PSD3: variants seen among roughly 807,000 people sequenced by gnomAD.
PSD3 encodes pleckstrin and Sec7 domain containing 3.
PSD3 carries 49 observed loss-of-function variants against 105.5 expected under a neutral mutation model. The ratio of observed to expected loss-of-function variants is 0.46; its 90% CI spans 0.37 to 0.59. The LOEUF (loss-of-function observed/expected upper bound fraction) is 0.59, where lower values mean the gene tolerates loss of function less well. Among genes scored for constraint, PSD3 ranks in the 20% least tolerant of loss-of-function variants. The pLI, the probability that PSD3 is intolerant of heterozygous loss-of-function variation, is 0.00. For missense variants in PSD3, 1,561 were observed against 1,263.8 expected (o/e 1.24, Z -3.57); for synonymous variants, 557 against 457.8 (o/e 1.22, Z -2.77).
At position 18,529,223 on chromosome 8, in the gene PSD3, T is replaced by C. The variant is rs1585180883; in HGVS notation, c.*6520A>G. On this transcript the variant is annotated 3_prime_UTR_variant, in exon 16 of 16. Transcript: ENST00000327040. ...GTGGTCCACAAGAAAGAATGTGATATGGATCCCCTCATTTATGTGTTAAAA... is the reference window on the plus strand; with the variant it reads ...GTGGTCCACAAGAAAGAATGTGATACGGATCCCCTCATTTATGTGTTAAAA... 6.6e-6 allele frequency: 1 copy of C among 152,220 alleles called. No individual in the cohort carries two copies. The highest frequency in any genetic ancestry group is 1.9e-4 in the East Asian group (1 of 5,192). The allele number at this position is 152,220 out of a possible 1,614,324, so 9.4% of individuals were successfully genotyped here. A position where few individuals can be genotyped will look rare whatever the true frequency, so the allele number is the denominator to read the frequency against.
At chr8:18,797,955 A>G (rs1352117000) in intron 8 of PSD3, among the ~76,000 whole-genome samples, 6 of 152,162 alleles carry the variant, frequency 3.9e-5, no homozygotes, top group Admixed American at 3.3e-4. Context: ...TCCTTTGGCC[A>G]GAAAGGCTAA....
intron 8 of PSD3, among the ~76,000 whole-genome samples, chr8:18,778,616 GTTCT>G (rs1242712384): frequency 4.0e-5 from 6 of 151,364 alleles, no homozygotes; most frequent in South Asian, 2.1e-4. Flanking sequence ...ACTATGATGT[GTTCT>G]TTCTATGTCT....
chr8:19,021,075 T>C (rs1399598807), intron 1 of PSD3, among the ~76,000 whole-genome samples: 1 of 152,132 alleles, frequency 6.6e-6, no homozygotes, highest in Non-Finnish European at 1.5e-5. Flanking sequence ...GAGTGGATGG[T>C]AAAGAGAAAA....
At chr8:18,939,778 T>C (rs1822406230) in intron 1 of PSD3, among the ~76,000 whole-genome samples, 2 of 152,364 alleles carry the variant, frequency 1.3e-5, no homozygotes, top group African/African-American at 2.4e-5. Context: ...CTCAAGACTA[T>C]TGTTTCTCAA....
At chr8:18,893,803 C>T (rs923463348) in intron 2 of PSD3, among the ~76,000 whole-genome samples, 1 of 152,202 alleles carries the variant, frequency 6.6e-6, no homozygotes, top group Non-Finnish European at 1.5e-5. Flanking sequence ...CACTGGCTCA[C>T]AGGCAACATG....
chr8:18,532,954 C>T lies in PSD3; in HGVS notation c.*2789G>A, dbSNP rs1799692777. 1 of 152,294 alleles carries T rather than the reference C, an allele frequency of 6.6e-6. No individual in the cohort carries two copies. 9.4% of individuals were successfully genotyped at this position (152,294 alleles called of 1,614,324 possible). Reference sequence around the variant, plus strand: ...TGATTTATCATATGGAAGGAAGTCCCAAGGCTCCTGGGCGCTGAGGTGGGC... The same window carrying T: ...TGATTTATCATATGGAAGGAAGTCCTAAGGCTCCTGGGCGCTGAGGTGGGC... On this transcript the variant is annotated 3_prime_UTR_variant, in exon 16 of 16. Transcript: ENST00000327040.
At chr8:18,785,659 G>C (rs188054957) in intron 8 of PSD3, among the ~76,000 whole-genome samples, 2 of 152,132 alleles carry the variant, frequency 1.3e-5, no homozygotes, top group Non-Finnish European at 2.9e-5. Flanking sequence ...ACTGTCTGGT[G>C]CAAGAGGCCT....
At chr8:19,038,627 A>AT (rs1393172774) in intron 1 of PSD3, among the ~76,000 whole-genome samples, 19 of 151,856 alleles carry the variant, frequency 1.3e-4, no homozygotes, top group Admixed American at 1.2e-3. Flanking sequence ...TGCCCAGCTA[A>AT]TTTTTTTATT....
chr8:18,728,329 T>C (rs1013909704), intron 9 of PSD3, among the ~76,000 whole-genome samples: 1 of 152,208 alleles, frequency 6.6e-6, no homozygotes, highest in African/African-American at 2.4e-5. Flanking sequence ...TCCAAACTTA[T>C]AGTCTCATAG....
intron 4 of PSD3, among the ~76,000 whole-genome samples, chr8:18,846,232 G>T (rs929887258): frequency 6.6e-6 from 1 of 152,130 alleles, no homozygotes; most frequent in Admixed American, 6.5e-5. Context: ...TACCAAGAAG[G>T]CAAAGGTAAA....
At chr8:18,557,294 T>C (rs1801140532) in intron 14 of PSD3, among the ~76,000 whole-genome samples, 1 of 152,198 alleles carries the variant, frequency 6.6e-6, no homozygotes, top group Admixed American at 6.5e-5. Context: ...TAAATGTATT[T>C]TATATAACAC....
intron 11 of PSD3, among the ~76,000 whole-genome samples, chr8:18,630,898 A>T (rs1175900213): frequency 1.3e-5 from 2 of 151,756 alleles, no homozygotes; most frequent in African/African-American, 4.9e-5. Context: ...AGTTTAAAGT[A>T]TATGGGAGGA....
chr8:19,013,810 G>T (rs905083542), upstream of PSD3: 14 of 188,976 alleles, frequency 7.4e-5, no homozygotes, highest in South Asian at 1.9e-4. Context: ...CGGCGCAGGC[G>T]GGCCGGCGGT....
chr8:18,777,352 T>C (rs996237592), intron 8 of PSD3, among the ~76,000 whole-genome samples: 1 of 152,208 alleles, frequency 6.6e-6, no homozygotes, highest in Non-Finnish European at 1.5e-5. Flanking sequence ...ATTTTGCCAA[T>C]GTTTTAAAAA....
chr8:18,954,642 C>G (rs751812681), intron 1 of PSD3, among the ~76,000 whole-genome samples: 5 of 152,108 alleles, frequency 3.3e-5, no homozygotes, highest in African/African-American at 4.8e-5. Context: ...AGGGGATGCA[C>G]AAAGTAACAT....
At chr8:18,738,290 T>C (rs1804302113) in intron 9 of PSD3, among the ~76,000 whole-genome samples, 1 of 152,250 alleles carries the variant, frequency 6.6e-6, no homozygotes, top group Admixed American at 6.5e-5. Flanking sequence ...TGTTCTGTCT[T>C]TACCCACACT....
At chr8:18,691,794 A>G (rs1800986834) in intron 9 of PSD3, among the ~76,000 whole-genome samples, 1 of 152,218 alleles carries the variant, frequency 6.6e-6, no homozygotes, top group Admixed American at 6.5e-5. Context: ...AAATGATCAG[A>G]GATCCCTGCC....
intron 9 of PSD3, among the ~76,000 whole-genome samples, chr8:18,715,987 T>G (rs1208905496): frequency 6.6e-6 from 1 of 152,176 alleles, no homozygotes; most frequent in East Asian, 1.9e-4. Context: ...CATTGGTTGC[T>G]TCAGGTTGCT....
At chr8:18,812,031 G>A (rs979728241) in intron 4 of PSD3, among the ~76,000 whole-genome samples, 3 of 152,158 alleles carry the variant, frequency 2.0e-5, no homozygotes, top group Non-Finnish European at 4.4e-5. Context: ...ATAGATGTGT[G>A]TGCCTCTGGG....
Sources: allele counts gnomAD v4.1 joint callset (sites outside exome capture counted in the v4.1 genomes callset), GRCh38; gene constraint gnomAD v4.1.1; transcripts MANE v1.5; gene names NCBI Gene and HGNC (gene_info 2026-07-23, HGNC 2026-07-21).